The following FRMD6 variants were observed in gnomAD, a reference collection of about 807,000 sequenced individuals.
The protein encoded by FRMD6 is FERM domain containing 6.
A neutral mutation model predicts 73.2 loss-of-function variants in FRMD6; 37 were observed. The ratio of observed to expected loss-of-function variants is 0.51; its 90% CI spans 0.39 to 0.66. The LOEUF (loss-of-function observed/expected upper bound fraction) is 0.66, where lower values mean the gene tolerates loss of function less well. Ranked by LOEUF, FRMD6 falls within the 30% of genes least tolerant of loss-of-function variation. The probability of loss-of-function intolerance (pLI) is 0.00; values close to 1 mark genes in which losing one functional copy is unlikely to be tolerated. For synonymous variants in FRMD6, 273 were observed against 282.2 expected (o/e 0.97, Z 0.33); for missense variants, 714 against 780.5 (o/e 0.91, Z 1.02).
chr14:51,623,564 T>C (rs1442223591), intron 2 of FRMD6, among the ~76,000 whole-genome samples: 2 of 152,216 alleles, frequency 1.3e-5, no homozygotes, highest in African/African-American at 4.8e-5. Flanking sequence ...TTTCTCCAAG[T>C]AGAAAGCCAC....
At chr14:51,491,722 C>T (rs953856183) in intron 1 of FRMD6, among the ~76,000 whole-genome samples, 1 of 152,168 alleles carries the variant, frequency 6.6e-6, no homozygotes, top group Non-Finnish European at 1.5e-5. Context: ...ATCTAAGTGC[C>T]CGACTCCAAA....
chr14:51,661,739 CAA>C (rs1893231538), intron 1 of FRMD6, among the ~76,000 whole-genome samples: 1 of 152,156 alleles, frequency 6.6e-6, no homozygotes, highest in Admixed American at 6.5e-5. Context: ...GTGATGATGA[CAA>C]GAGCTGTGTC....
At position 51,525,685 on chromosome 14, in the gene FRMD6, A is replaced by C. The variant is rs144235709; in HGVS notation, c.-210+36265A>C. ...GGAACTCCCTTTCTCCTGCCTCCTCATTTTGTGTTAATTGCATCACCATAA... is the reference window on the plus strand; with the variant it reads ...GGAACTCCCTTTCTCCTGCCTCCTCCTTTTGTGTTAATTGCATCACCATAA... On this transcript the variant is annotated intron_variant, in intron 1 of 14. Coordinates refer to the FRMD6 transcript ENST00000356218. Among the ~76,000 whole-genome samples the C allele has an allele frequency of 4.1e-4, 62 of 152,162 alleles. No individual in the cohort carries two copies. The East Asian group carries it at 9.9e-3, about 24-fold the overall frequency.
chr14:51,725,812 C>T lies in FRMD6; in HGVS notation c.1526C>T (p.Ser509Leu), dbSNP rs140747292. Residue 509 changes from serine to leucine, a missense_variant, in exon 13 of 14, where the codon TCG becomes TTG. By Grantham distance (145) the Ser-to-Leu change is moderately radical (BLOSUM62 -2). Coordinates refer to ENST00000344768, the MANE Select transcript of FRMD6 (RefSeq NM_001267046.2). ...GTGAAAGAAATTGGGTCTTCCACCT[C>T]GAGCTCTTCAGAAACAGTTGTTAAG... ...LIVKEIGSSTSSSSETVVKLR... is the reference protein window; with the variant it reads ...LIVKEIGSSTLSSSETVVKLR... 28 of 1,613,712 alleles carry T rather than the reference C, an allele frequency of 1.7e-5. No individual in the cohort carries two copies. Among genetic ancestry groups the T allele is most frequent in the Non-Finnish European group, 2.1e-5 (25 of 1,179,788 alleles).
intron 1 of FRMD6, among the ~76,000 whole-genome samples, chr14:51,653,368 T>C (rs1892570927): frequency 6.6e-6 from 1 of 152,236 alleles, no homozygotes; most frequent in Non-Finnish European, 1.5e-5. Flanking sequence ...TGGCTTCATT[T>C]TCCAAGAATG....
the FRMD6 span, among the ~76,000 whole-genome samples, chr14:51,425,283 C>T: frequency 6.6e-6 from 1 of 152,142 alleles, no homozygotes; most frequent in Non-Finnish European, 1.5e-5. Flanking sequence ...CTTTATTCTC[C>T]ACCACCTCGG....
the FRMD6 span, among the ~76,000 whole-genome samples, chr14:51,431,592 C>T: frequency 3.2e-4 from 48 of 152,148 alleles, no homozygotes; most frequent in African/African-American, 1.1e-3. Flanking sequence ...GTTTATAGTT[C>T]GTGGTCCATA....
the FRMD6 span, among the ~76,000 whole-genome samples, chr14:51,431,526 T>C: frequency 6.6e-6 from 1 of 152,226 alleles, no homozygotes; most frequent in Non-Finnish European, 1.5e-5. Flanking sequence ...AGATGATTAA[T>C]GCCTGCATTG....
At chr14:51,577,948 C>T (rs575290335) in intron 2 of FRMD6, among the ~76,000 whole-genome samples, 5 of 152,230 alleles carry the variant, frequency 3.3e-5, no homozygotes, top group Admixed American at 1.3e-4. Flanking sequence ...CTACAACAGG[C>T]ATTATACCAA....
intron 2 of FRMD6, among the ~76,000 whole-genome samples, chr14:51,589,515 G>A (rs1889254136): frequency 1.3e-5 from 2 of 152,004 alleles, no homozygotes; most frequent in South Asian, 4.2e-4. Flanking sequence ...CCATCTGCTT[G>A]GCCTCACACT....
the FRMD6 span, among the ~76,000 whole-genome samples, chr14:51,416,330 A>C: frequency 1.3e-5 from 2 of 152,150 alleles, no homozygotes; most frequent in Admixed American, 1.3e-4. Flanking sequence ...TTAAATGTGT[A>C]CCAGAAATGC....
intron 1 of FRMD6, among the ~76,000 whole-genome samples, chr14:51,509,931 GTATATACTT>G (rs1884201219): frequency 6.6e-6 from 1 of 152,162 alleles, no homozygotes; most frequent in Non-Finnish European, 1.5e-5. Flanking sequence ...GCGCGTACGT[GTATATACTT>G]TAAATAAGCC....
intron 2 of FRMD6, among the ~76,000 whole-genome samples, chr14:51,590,736 C>A (rs1167570086): frequency 6.6e-6 from 1 of 152,186 alleles, no homozygotes; most frequent in African/African-American, 2.4e-5. Context: ...ATTTACTCCT[C>A]AAGGAAAATG....
At position 51,673,932 on chromosome 14, in the gene FRMD6, T is replaced by G. The variant is rs1433454065; in HGVS notation, c.-146-15759T>G. On this transcript the variant is annotated intron_variant, in intron 1 of 13. Transcript: ENST00000344768. Reference sequence around the variant, plus strand: ...CTTTGCTTTTAATTGCTTTATTCACTAAAGTGGATAACTTAGACCTCAGCT... The same window carrying G: ...CTTTGCTTTTAATTGCTTTATTCACGAAAGTGGATAACTTAGACCTCAGCT... Among the ~76,000 whole-genome samples the G allele has an allele frequency of 2.6e-5, 4 of 152,346 alleles. No individual in the cohort carries two copies. The East Asian group carries it at 7.7e-4, about 29-fold the overall frequency.
At chr14:51,607,278 G>A (rs1245910621) in intron 2 of FRMD6, among the ~76,000 whole-genome samples, 1 of 152,126 alleles carries the variant, frequency 6.6e-6, no homozygotes, top group African/African-American at 2.4e-5. Flanking sequence ...GTATGTGCAG[G>A]ATCAGACGAC....
intron 1 of FRMD6, among the ~76,000 whole-genome samples, chr14:51,499,734 ATTC>A (rs1315313960): frequency 6.6e-6 from 1 of 152,234 alleles, no homozygotes; most frequent in African/African-American, 2.4e-5. Flanking sequence ...TGCTGCATAT[ATTC>A]TTTTCAGGTA....
the FRMD6 span, among the ~76,000 whole-genome samples, chr14:51,430,636 C>T: frequency 6.6e-6 from 1 of 152,058 alleles, no homozygotes. Context: ...AAAAAACCCT[C>T]TGTTCTTCTC....
At chr14:51,438,422 C>T in the FRMD6 span, among the ~76,000 whole-genome samples, 143 of 152,292 alleles carry the variant, frequency 9.4e-4, no homozygotes, top group African/African-American at 3.2e-3. Context: ...TGCTTTGTTA[C>T]GATACAACTA....
At chr14:51,701,312 GTATA>G (rs915558631) in intron 4 of FRMD6, among the ~76,000 whole-genome samples, 153 bp downstream of exon 4, 2 of 143,872 alleles carry the variant, frequency 1.4e-5, no homozygotes, top group Non-Finnish European at 3.0e-5. Flanking sequence ...TATATGTATA[GTATA>G]TATATATATA....
Sources: allele counts gnomAD v4.1 joint callset (sites outside exome capture counted in the v4.1 genomes callset), GRCh38; gene constraint gnomAD v4.1.1; transcripts MANE v1.5; gene names NCBI Gene and HGNC (gene_info 2026-07-23, HGNC 2026-07-21).